SCP2: variants seen among roughly 807,000 people sequenced by gnomAD.
The protein encoded by SCP2 is SCP-2/3-oxoacyl-CoA thiolase.
SCP2 carries 48 observed loss-of-function variants against 71.4 expected under a neutral mutation model. The ratio of observed to expected loss-of-function variants is 0.67; its 90% CI spans 0.53 to 0.86. The LOEUF is 0.86. Among genes scored for constraint, SCP2 ranks in the 40% least tolerant of loss-of-function variants. The pLI, the probability that SCP2 is intolerant of heterozygous loss-of-function variation, is 0.00. For missense variants in SCP2, 560 were observed against 655.6 expected, an observed-to-expected ratio of 0.85 and a Z score of 1.59; for synonymous variants, 220 against 218.1, an observed-to-expected ratio of 1.01 and a Z score of -0.08.
At chr1:52,999,834 T>TTTTTTTTTTTTA (rs1572167410) in intron 11 of SCP2, among the ~76,000 whole-genome samples, 2 of 141,648 alleles carry the variant, frequency 1.4e-5, no homozygotes, top group African/African-American at 5.8e-5. Context: ...TTTTTTTTTT[T>TTTTTTTTTTTTA]GAGACAGAGT....
At chr1:52,954,906 G>A in intron 5 of SCP2, 102 bp downstream of exon 5, 1 of 890,598 alleles carries the variant, frequency 1.1e-6, no homozygotes, top group East Asian at 2.4e-5. Flanking sequence ...TTAGAATAGT[G>A]AAGAATCTTA....
At chr1:52,977,924 C>T (rs912225212) in intron 8 of SCP2, among the ~76,000 whole-genome samples, 7 of 151,646 alleles carry the variant, frequency 4.6e-5, no homozygotes, top group African/African-American at 1.7e-4. Flanking sequence ...CAAGATAACA[C>T]CATTATACTC....
At chr1:52,982,210 A>AC (rs1658566645) in intron 10 of SCP2, among the ~76,000 whole-genome samples, 1 of 151,436 alleles carries the variant, frequency 6.6e-6, no homozygotes, top group African/African-American at 2.4e-5. Flanking sequence ...CAGTAGCACC[A>AC]CCCCCCACAG....
intron 11 of SCP2, among the ~76,000 whole-genome samples, chr1:53,003,015 A>G (rs1448311180): frequency 6.6e-6 from 1 of 152,162 alleles, no homozygotes; most frequent in East Asian, 1.9e-4. Flanking sequence ...TTTACCTTTC[A>G]TCATATCCTC....
intron 12 of SCP2, among the ~76,000 whole-genome samples, chr1:53,025,225 C>T (rs957796328): frequency 2.7e-5 from 4 of 145,914 alleles, no homozygotes; most frequent in African/African-American, 1.0e-4. Flanking sequence ...GCTCCTATGA[C>T]ACCATGCTGG....
At chr1:52,997,946 G>A (rs923366330) in intron 11 of SCP2, among the ~76,000 whole-genome samples, 3 of 152,096 alleles carry the variant, frequency 2.0e-5, no homozygotes, top group Non-Finnish European at 2.9e-5. Context: ...GACTTCTCTC[G>A]TGATAGATTA....
At chr1:53,024,351 G>T (rs1213547298) in intron 12 of SCP2, among the ~76,000 whole-genome samples, 1 of 152,030 alleles carries the variant, frequency 6.6e-6, no homozygotes, top group African/African-American at 2.4e-5. Context: ...TTTCAGTTTT[G>T]CAAGATGAAA....
chr1:52,936,138 A>G (rs563019104), intron 1 of SCP2, among the ~76,000 whole-genome samples: 54 of 152,318 alleles, frequency 3.5e-4, no homozygotes, highest in African/African-American at 1.3e-3. Flanking sequence ...CATTCTTCCC[A>G]CTTTATTTTG....
chr1:52,982,206 C>T (rs1036764587), intron 10 of SCP2, among the ~76,000 whole-genome samples: 1 of 152,062 alleles, frequency 6.6e-6, no homozygotes, highest in Non-Finnish European at 1.5e-5. Flanking sequence ...ATGCCAGTAG[C>T]ACCACCCCCC....
chr1:52,995,881 G>T, intron 11 of SCP2: 1 of 1,453,492 alleles, frequency 6.9e-7, no homozygotes, highest in East Asian at 2.3e-5. Context: ...TCCTCCACTG[G>T]TACACAGCTG....
intron 1 of SCP2, among the ~76,000 whole-genome samples, chr1:52,938,517 G>C (rs564605614): frequency 6.6e-6 from 1 of 152,092 alleles, no homozygotes; most frequent in East Asian, 1.9e-4. Flanking sequence ...TCAGAATTAT[G>C]CTAGTTGGTC....
In SCP2 at chr1:53,038,977, C is replaced by A; in HGVS notation, c.1399C>A (p.Pro467Thr). 1.9e-6 allele frequency: 3 copies of A among 1,613,990 alleles called. 1 individual carries two copies. In the South Asian group the frequency reaches 3.3e-5, roughly 18 times the overall value. Residue 467 changes from proline (P) to threonine (T), a missense_variant, in exon 14 of 16, where the codon CCT (proline) becomes ACT (threonine). This residue lies in a region of SCP2 where 513 missense variants were observed against 573.1 expected (regional missense o/e 0.90). Transcript: ENST00000371514. ...GIFAFKVKDG[P>T]GGKEATWVVD... ...TTTTGCCTTCAAGGTGAAAGATGGC[C>A]CTGGGGGTAAAGAGGCCACCTGGGT... is the stretch of plus-strand genomic sequence containing the variant.
rs575991412 is a variant in SCP2 at position 52,969,677 on chromosome 1, C to T, written c.524-5092C>T. 6.0e-4 allele frequency among the ~76,000 whole-genome samples: 91 copies of T among 152,020 alleles called. 1 individual carries two copies. Among genetic ancestry groups the T allele is most frequent in the African/African-American group, 2.0e-3 (84 of 41,462 alleles). ...TCTCTACTAAAATACAAAAATTAGC[C>T]GGGCGTGGTCGCGTGTGCCTGTAAT... On this transcript the variant is annotated intron_variant, in intron 6 of 15. Coordinates refer to ENST00000371514, the MANE Select transcript of SCP2 (RefSeq NM_002979.5).
At chr1:53,038,845 A>G (rs1227673638) in intron 13 of SCP2, 72 bp from the exon 14 acceptor site, 1 of 1,569,784 alleles carries the variant, frequency 6.4e-7, no homozygotes, top group Non-Finnish European at 8.8e-7. Context: ...TATCTATTTA[A>G]ACATGAATTT....
intron 6 of SCP2, among the ~76,000 whole-genome samples, chr1:52,974,212 GT>G (rs1484628471): frequency 4.6e-5 from 7 of 151,706 alleles, no homozygotes; most frequent in African/African-American, 1.7e-4. Context: ...TTTTTTTTGC[GT>G]GTTTTACCTC....
chr1:53,047,829 T>C, intron 14 of SCP2, 29 bp from the exon 15 acceptor site: 1 of 1,499,296 alleles, frequency 6.7e-7, no homozygotes, highest in Non-Finnish European at 9.3e-7. Context: ...CCTCCTATTC[T>C]CCTTCCTTCT....
intron 6 of SCP2, among the ~76,000 whole-genome samples, chr1:52,966,244 G>C (rs1656941114): frequency 6.6e-6 from 1 of 151,672 alleles, no homozygotes; most frequent in Non-Finnish European, 1.5e-5. Flanking sequence ...TAAGCACATA[G>C]ATATATCTAT....
chr1:53,031,813 CTCTA>C (rs1444008329), intron 13 of SCP2, among the ~76,000 whole-genome samples: 4 of 152,178 alleles, frequency 2.6e-5, no homozygotes, highest in African/African-American at 4.8e-5. Context: ...GCAGATTATT[CTCTA>C]TCTATTTTAA....
rs958166502 is a variant in SCP2, at chr1:53,037,994, A to G, written c.1339-923A>G. Among the ~76,000 whole-genome samples, 24 of 141,232 alleles carry G rather than the reference A, an allele frequency of 1.7e-4. No homozygotes were observed. In the East Asian group the frequency reaches 2.8e-3, roughly 16 times the overall value. 92.7% of individuals were successfully genotyped at this position (141,232 alleles called of 152,430 possible). A position where few individuals can be genotyped will look rare whatever the true frequency, so the allele number is the denominator to read the frequency against. On this transcript the variant is annotated intron_variant, in intron 13 of 15. Transcript: ENST00000371514. ...ACACACACACACACACACACATTCA[A>G]TTAACCAGTTGTGGTGGCACATGCT...
Sources: allele counts gnomAD v4.1 joint callset (sites outside exome capture counted in the v4.1 genomes callset), GRCh38; gene constraint gnomAD v4.1.1; regional missense constraint gnomAD v4.1.1; transcripts MANE v1.5; gene names NCBI Gene and HGNC (gene_info 2026-07-23, HGNC 2026-07-21).